The following SLC35F4 variants were observed in gnomAD, a reference collection of about 807,000 sequenced individuals.
SLC35F4 encodes the protein solute carrier family 35 member F4, also known as chromosome 14 open reading frame 36.
SLC35F4 carries 24 observed loss-of-function variants against 44.2 expected under a neutral mutation model. That is an observed-to-expected ratio of 0.54 (90% CI 0.39 to 0.76). The LOEUF (loss-of-function observed/expected upper bound fraction) is 0.76. Among genes scored for constraint, SLC35F4 ranks in the 30% least tolerant of loss-of-function variants. SLC35F4 has a pLI of 0.00. For missense variants in SLC35F4, 562 were observed against 586.1 expected, an observed-to-expected ratio of 0.96 and a Z score of 0.42; for synonymous variants, 238 against 223.6, an observed-to-expected ratio of 1.06 and a Z score of -0.57.
chr14:57,742,805 T>G (rs28789694), intron 1 of SLC35F4, among the ~76,000 whole-genome samples: 4 of 152,166 alleles, frequency 2.6e-5, no homozygotes, highest in Non-Finnish European at 4.4e-5. Context: ...TATTCCAAAA[T>G]TGACCACATA....
chr14:57,889,437 A>T (rs6573177), intron 1 of SLC35F4, among the ~76,000 whole-genome samples: 36,626 of 152,250 alleles, frequency 0.24, 4,698 homozygotes, highest in Middle Eastern at 0.32. Context: ...GCACAGGGGA[A>T]GTTGGCCTGC....
At chr14:57,725,766 A>G (rs1441934595) in intron 1 of SLC35F4, among the ~76,000 whole-genome samples, 1 of 152,176 alleles carries the variant, frequency 6.6e-6, no homozygotes, top group Admixed American at 6.5e-5. Context: ...CCAGAAGGCC[A>G]TGTATACTCT....
intron 1 of SLC35F4, among the ~76,000 whole-genome samples, chr14:57,803,117 G>T (rs1024264712): frequency 1.3e-4 from 19 of 151,782 alleles, no homozygotes; most frequent in African/African-American, 4.4e-4. Context: ...TGATCAAGTT[G>T]TCTTCATCCC....
chr14:57,928,122 C>A (rs531402544), intron 1 of SLC35F4, among the ~76,000 whole-genome samples: 1 of 152,026 alleles, frequency 6.6e-6, no homozygotes, highest in East Asian at 1.9e-4. Context: ...AGAGCCTAGA[C>A]TTTGATCCTT....
chr14:57,605,685 G>A, intron 1 of SLC35F4, among the ~76,000 whole-genome samples: 1 of 151,890 alleles, frequency 6.6e-6, no homozygotes, highest in East Asian at 1.9e-4. Flanking sequence ...ATTTACAATT[G>A]TAAAGACATA....
chr14:57,759,880 GTT>G (rs60160945), intron 1 of SLC35F4, among the ~76,000 whole-genome samples: 6 of 140,512 alleles, frequency 4.3e-5, no homozygotes, highest in Admixed American at 1.4e-4. Flanking sequence ...TTCTTTGCTT[GTT>G]TTTTTTTTTT....
At chr14:57,920,005 T>C (rs747915550) in intron 1 of SLC35F4, among the ~76,000 whole-genome samples, 10 of 152,270 alleles carry the variant, frequency 6.6e-5, no homozygotes, top group South Asian at 2.1e-4. Context: ...GTTTGCTCAT[T>C]ACCATGAGCA....
downstream of SLC35F4, among the ~76,000 whole-genome samples, chr14:57,976,540 T>C (rs560355316): frequency 1.3e-5 from 2 of 152,290 alleles, no homozygotes; most frequent in South Asian, 4.1e-4. Context: ...TTGCAGAACT[T>C]AGAGACATCA....
chr14:57,949,830 G>T (rs899634435), intron 1 of SLC35F4, among the ~76,000 whole-genome samples: 6 of 152,112 alleles, frequency 3.9e-5, no homozygotes, highest in Admixed American at 3.3e-4. Flanking sequence ...CAATTATTTT[G>T]TTTAAGGAGG....
chr14:57,716,508 T>C (rs1368612015), intron 1 of SLC35F4, among the ~76,000 whole-genome samples: 1 of 152,164 alleles, frequency 6.6e-6, no homozygotes, highest in Admixed American at 6.5e-5. Context: ...TGATTCACTG[T>C]TTTAATTTTT....
At chr14:57,825,007 T>C (rs1883574983) in intron 1 of SLC35F4, among the ~76,000 whole-genome samples, 1 of 151,940 alleles carries the variant, frequency 6.6e-6, no homozygotes, top group South Asian at 2.1e-4. Context: ...ACAGCAATAT[T>C]TCAGGGGTAA....
intron 1 of SLC35F4, among the ~76,000 whole-genome samples, chr14:57,948,886 T>C (rs1890084286): frequency 6.6e-6 from 1 of 152,206 alleles, no homozygotes; most frequent in South Asian, 2.1e-4. Flanking sequence ...TATTACACTG[T>C]GGTCTGAGAG....
intron 1 of SLC35F4, among the ~76,000 whole-genome samples, chr14:57,611,494 G>A (rs1303347792): frequency 6.6e-6 from 1 of 151,844 alleles, no homozygotes; most frequent in Non-Finnish European, 1.5e-5. Context: ...TGTTATCAAG[G>A]GATGGAAGAA....
intron 1 of SLC35F4, among the ~76,000 whole-genome samples, chr14:57,742,830 A>G (rs997770087): frequency 6.6e-6 from 1 of 152,092 alleles, no homozygotes; most frequent in Non-Finnish European, 1.5e-5. Context: ...GAAGTAAAGC[A>G]CTCCTCAGCA....
chr14:57,927,255 G>A (rs1421336996), intron 1 of SLC35F4, among the ~76,000 whole-genome samples: 2 of 152,150 alleles, frequency 1.3e-5, no homozygotes, highest in African/African-American at 2.4e-5. Context: ...CCTGCCTTAG[G>A]GGTAAGACTG....
rs778244160 is a variant in SLC35F4 at position 57,593,926 on chromosome 14, G to A, written c.289+13C>T. The A allele has an allele frequency of 8.1e-6, 13 of 1,612,140 alleles. No homozygotes were observed. The highest frequency in any genetic ancestry group is 8.5e-6 in the Non-Finnish European group (10 of 1,179,256). On this transcript the variant is annotated intron_variant, in intron 2 of 7. Transcript: ENST00000556826. ...AGGATGTACCGTTATTTAAGAGGAG[G>A]TCACCCACATACCTGATCTGTTCTG...
At chr14:57,638,912 T>C (rs112115231) in intron 1 of SLC35F4, among the ~76,000 whole-genome samples, 2 of 152,212 alleles carry the variant, frequency 1.3e-5, no homozygotes, top group East Asian at 1.9e-4. Context: ...CTTTGCCACA[T>C]ACATGCAAAA....
intron 1 of SLC35F4, among the ~76,000 whole-genome samples, chr14:57,851,922 T>C (rs1886611881): frequency 6.6e-6 from 1 of 152,182 alleles, no homozygotes; most frequent in South Asian, 2.1e-4. Flanking sequence ...TTTAAAAACA[T>C]TCCAAAGAAA....
At chr14:57,925,019 T>C (rs540105126) in intron 1 of SLC35F4, among the ~76,000 whole-genome samples, 2 of 152,084 alleles carry the variant, frequency 1.3e-5, no homozygotes, top group Non-Finnish European at 2.9e-5. Flanking sequence ...GCCTCCCAAA[T>C]TGCTGGGATT....
Sources: allele counts gnomAD v4.1 joint callset (sites outside exome capture counted in the v4.1 genomes callset), GRCh38; gene constraint gnomAD v4.1.1; transcripts MANE v1.5; gene names NCBI Gene and HGNC (gene_info 2026-07-23, HGNC 2026-07-21).